Variants in KLHL14 observed in about 807,000 individuals in gnomAD.
The protein encoded by KLHL14 is kelch-like protein 14.
KLHL14 carries 22 observed loss-of-function variants against 64.3 expected under a neutral mutation model. That is an observed-to-expected ratio of 0.34 (90% CI 0.24 to 0.49). The LOEUF is 0.49. Among genes scored for constraint, KLHL14 ranks in the 20% least tolerant of loss-of-function variants. The pLI, the probability that KLHL14 is intolerant of heterozygous loss-of-function variation, is 0.99. For synonymous variants in KLHL14, 322 were observed against 333.4 expected, an observed-to-expected ratio of 0.97 and a Z score of 0.37; for missense variants, 661 against 789.0, an observed-to-expected ratio of 0.84 and a Z score of 1.94.
At chr18:32,713,958 A>G (rs938287361) in intron 3 of KLHL14, among the ~76,000 whole-genome samples, 3 of 152,172 alleles carry the variant, frequency 2.0e-5, no homozygotes, top group Non-Finnish European at 4.4e-5. Context: ...TCTTTTAAAA[A>G]TCTACCTTTG....
Position 32,740,095 on chromosome 18 carries a change from A to C in KLHL14, c.1069+1833T>G, listed in dbSNP as rs532344631. On this transcript the variant is annotated intron_variant, in intron 3 of 8. Transcript: ENST00000359358. ...AGGTCCTGGATCTGGGTTTGCAACCAAGTCTGTCTGATTCAAAGTTCATGT... is the reference window on the plus strand; with the variant it reads ...AGGTCCTGGATCTGGGTTTGCAACCCAGTCTGTCTGATTCAAAGTTCATGT... Among the ~76,000 whole-genome samples the C allele has an allele frequency of 5.9e-5, 9 of 152,312 alleles. No individual in the cohort carries two copies. The South Asian group carries it at 1.9e-3, about 32-fold the overall frequency.
chr18:32,734,393 C>G, intron 3 of KLHL14: 1 of 612,792 alleles, frequency 1.6e-6, no homozygotes, highest in Non-Finnish European at 2.9e-6. Context: ...GAGCAGATGC[C>G]CTCTATCAAC....
intron 5 of KLHL14, among the ~76,000 whole-genome samples, chr18:32,682,473 C>G (rs1031503266): frequency 5.9e-5 from 9 of 152,098 alleles, no homozygotes; most frequent in Admixed American, 5.9e-4. Context: ...GTCCGTGAGC[C>G]TCTGAAATTA....
At chr18:32,735,295 T>C (rs1249142600) in intron 3 of KLHL14, among the ~76,000 whole-genome samples, 2 of 152,112 alleles carry the variant, frequency 1.3e-5, no homozygotes, top group Non-Finnish European at 2.9e-5. Context: ...CAGATACCAG[T>C]GTTCTATTCC....
At chr18:32,722,380 G>C (rs7230625) in intron 3 of KLHL14, among the ~76,000 whole-genome samples, 44,763 of 151,942 alleles carry the variant, frequency 0.29, 6,854 homozygotes, top group African/African-American at 0.37. Context: ...ACCAAAAAAC[G>C]AGAGAAGCTT....
rs754911074 is a variant in KLHL14, at chr18:32,695,564, A to G, written c.1070-12T>C. 1 of 738,726 alleles carries G rather than the reference A, an allele frequency of 1.4e-6. No individual in the cohort carries two copies. Among genetic ancestry groups the G allele is most frequent in the South Asian group, 2.9e-5 (1 of 34,272 alleles). The allele number at this position is 738,726 out of a possible 1,614,324, so 45.8% of individuals were successfully genotyped here. A position where few individuals can be genotyped will look rare whatever the true frequency, so the allele number is the denominator to read the frequency against. The stretch of plus-strand genomic sequence containing the variant: ...GTTGTATGGCATAACTGAAATTAAG[A>G]AAAAAAAAAAAGACATATGAAATTT... On this transcript the variant is annotated splice_polypyrimidine_tract_variant and intron_variant, in intron 3 of 8. Coordinates refer to ENST00000359358, the MANE Select transcript of KLHL14 (RefSeq NM_020805.3).
intron 3 of KLHL14, among the ~76,000 whole-genome samples, chr18:32,739,262 A>C (rs1433165640): frequency 6.6e-6 from 1 of 152,116 alleles, no homozygotes; most frequent in African/African-American, 2.4e-5. Context: ...CCAATCCCTT[A>C]GGCTTTATTA....
At chr18:32,772,074 T>A in intron 1 of KLHL14, 1 of 275,200 alleles carries the variant, frequency 3.6e-6, no homozygotes, top group Non-Finnish European at 7.2e-6. Flanking sequence ...AAAGGGACCC[T>A]CTGCTTGCAT....
chr18:32,719,841 C>T (rs1012305152), intron 3 of KLHL14, among the ~76,000 whole-genome samples: 5 of 152,182 alleles, frequency 3.3e-5, no homozygotes, highest in Non-Finnish European at 7.3e-5. Context: ...AGGAGTTACC[C>T]GGGTGCTTGG....
intron 7 of KLHL14, among the ~76,000 whole-genome samples, chr18:32,678,373 A>C (rs2049821233): frequency 6.6e-6 from 1 of 152,208 alleles, no homozygotes; most frequent in South Asian, 2.1e-4. Context: ...AAGATGAATA[A>C]AAAGGTGGAG....
At chr18:32,767,360 C>T (rs975146163) in intron 2 of KLHL14, among the ~76,000 whole-genome samples, 3 of 132,144 alleles carry the variant, frequency 2.3e-5, no homozygotes, top group African/African-American at 7.4e-5. Context: ...ATTCAAAATG[C>T]TACCTTTACT....
chr18:32,692,545 A>G (rs757225216), intron 4 of KLHL14, among the ~76,000 whole-genome samples: 24 of 152,202 alleles, frequency 1.6e-4, no homozygotes, highest in Non-Finnish European at 2.4e-4. Flanking sequence ...GAGATGGTTG[A>G]GTCTCTTCAC....
intron 4 of KLHL14, among the ~76,000 whole-genome samples, chr18:32,689,603 AAAG>A (rs1431997323): frequency 2.6e-5 from 4 of 152,164 alleles, no homozygotes; most frequent in African/African-American, 9.7e-5. Flanking sequence ...TTTGCAATAG[AAAG>A]AAGATTATAG....
chr18:32,762,976 AT>A (rs1337868474), intron 2 of KLHL14, among the ~76,000 whole-genome samples: 5 of 152,098 alleles, frequency 3.3e-5, no homozygotes, highest in Non-Finnish European at 5.9e-5. Context: ...CTACCTGGTT[AT>A]TTAATCACCT....
chr18:32,686,222 G>C (rs187388206), intron 5 of KLHL14, among the ~76,000 whole-genome samples: 254 of 139,916 alleles, frequency 1.8e-3, no homozygotes, highest in Non-Finnish European at 3.2e-3. Context: ...GTAGAGACGG[G>C]GTTTCACCAT....
At chr18:32,693,775 G>C (rs192212980) in intron 4 of KLHL14, among the ~76,000 whole-genome samples, 101 of 152,200 alleles carry the variant, frequency 6.6e-4, no homozygotes, top group African/African-American at 2.3e-3. Context: ...GTTCCTCTCA[G>C]GGCTGGGAAA....
chr18:32,743,030 A>G (rs1382635600), intron 2 of KLHL14: 1 of 152,282 alleles, frequency 6.6e-6, no homozygotes, highest in Non-Finnish European at 1.5e-5. Flanking sequence ...ATGGATGTAC[A>G]ATCCTCAGGA....
intron 3 of KLHL14, among the ~76,000 whole-genome samples, chr18:32,704,616 G>A (rs545331273): frequency 1.3e-3 from 192 of 152,176 alleles, no homozygotes; most frequent in Middle Eastern, 6.8e-3. Flanking sequence ...CAGCTACTTG[G>A]GGGGCTGGGG....
At chr18:32,713,991 CAT>C (rs1478648400) in intron 3 of KLHL14, among the ~76,000 whole-genome samples, 1 of 151,978 alleles carries the variant, frequency 6.6e-6, no homozygotes, top group Non-Finnish European at 1.5e-5. Context: ...TATAAATAAA[CAT>C]ATTTTTGCAT....
Sources: gnomAD v4.1 joint callset for allele counts (sites outside exome capture counted in the v4.1 genomes callset) on GRCh38, gnomAD v4.1.1 for gene constraint, MANE v1.5 for transcripts, NCBI Gene and HGNC (gene_info 2026-07-23, HGNC 2026-07-21) for gene names.